The following CD96 variants were observed in gnomAD, a reference collection of about 807,000 sequenced individuals.
CD96 encodes T-cell surface protein tactile.
CD96 carries 70 observed loss-of-function variants against 71.3 expected under a neutral mutation model. The ratio of observed to expected loss-of-function variants is 0.98; its 90% CI spans 0.81 to 1.20. The LOEUF is 1.20. Ranked by LOEUF, CD96 falls within the 50% of genes most tolerant of loss-of-function variation. The pLI is 0.00. For synonymous variants in CD96, 248 were observed against 233.0 expected (o/e 1.06, Z -0.59); for missense variants, 742 against 677.5 (o/e 1.10, Z -1.06).
At chr3:111,605,916 TCA>T in intron 7 of CD96, among the ~76,000 whole-genome samples, 1 of 152,142 alleles carries the variant, frequency 6.6e-6, no homozygotes, top group East Asian at 1.9e-4. Context: ...TCTACAAAAA[TCA>T]TAAAATCTTC....
chr3:111,564,435 T>G (rs998494615), intron 2 of CD96, among the ~76,000 whole-genome samples: 1 of 152,010 alleles, frequency 6.6e-6, no homozygotes, highest in African/African-American at 2.4e-5. Context: ...TCTGGTTTCA[T>G]TCTAATTTTG....
At chr3:111,648,243 C>A (rs554193862) in intron 13 of CD96, among the ~76,000 whole-genome samples, 1 of 152,238 alleles carries the variant, frequency 6.6e-6, no homozygotes, top group African/African-American at 2.4e-5. Context: ...TAAGGTTAAG[C>A]CTCATTTTTC....
chr3:111,630,207 A>G (rs1938989052), intron 10 of CD96, among the ~76,000 whole-genome samples: 1 of 152,200 alleles, frequency 6.6e-6, no homozygotes, highest in South Asian at 2.1e-4. Flanking sequence ...CTTTCAATAA[A>G]TCAGCCAATC....
intron 3 of CD96, 34 bp downstream of exon 3, chr3:111,567,681 T>A (rs764463486): frequency 1.3e-6 from 2 of 1,587,278 alleles, no homozygotes; most frequent in Admixed American, 3.3e-5. Flanking sequence ...ATAACCTCAA[T>A]GGTCTTTAAA....
chr3:111,570,380 G>A (rs1935921842), intron 3 of CD96, among the ~76,000 whole-genome samples: 1 of 152,150 alleles, frequency 6.6e-6, no homozygotes. Flanking sequence ...GAGTCCTTGG[G>A]ATCAAAGGTT....
Position 111,584,547 on chromosome 3 carries a change from C to G in CD96, c.752-776C>G, listed in dbSNP as rs57245560. 3.4e-3 allele frequency among the ~76,000 whole-genome samples: 511 copies of G among 152,290 alleles called. 4 individuals carry two copies. Among genetic ancestry groups the G allele is most frequent in the African/African-American group, 0.012 (493 of 41,564 alleles). ...AGAAAAAGAAGTTTAATTGGACTTA[C>G]AGTTCCACATGGCTGGGGAGGCCTC... On this transcript the variant is annotated intron_variant, in intron 4 of 13. Coordinates refer to ENST00000352690, the MANE Select transcript of CD96 (RefSeq NM_005816.5).
Position 111,637,773 on chromosome 3 carries a change from G to C in CD96, c.1388-306G>C, listed in dbSNP as rs573092342. 3.5e-5 allele frequency among the ~76,000 whole-genome samples: 5 copies of C among 142,014 alleles called. No individual in the cohort carries two copies. In the East Asian group the frequency reaches 1.0e-3, roughly 30 times the overall value. 93.2% of individuals were successfully genotyped at this position (142,014 alleles called of 152,430 possible). ...GAGATTCTTTAGCAGACATCATTTTGTTGTTTGGAAGTATGGAGCTTCTTT... is the reference window on the plus strand; with the variant it reads ...GAGATTCTTTAGCAGACATCATTTTCTTGTTTGGAAGTATGGAGCTTCTTT... On this transcript the variant is annotated intron_variant, in intron 11 of 13. Transcript: ENST00000352690.
At chr3:111,550,342 A>T (rs925172996) in intron 2 of CD96, among the ~76,000 whole-genome samples, 1 of 152,110 alleles carries the variant, frequency 6.6e-6, no homozygotes, top group Non-Finnish European at 1.5e-5. Flanking sequence ...CTTTCAAGAA[A>T]TCTGCCAGTA....
In CD96 at chr3:111,598,179, A is replaced by T. The variant is rs963123060; in HGVS notation, c.867A>T (p.Ile289=). 6.8e-7 allele frequency: 1 copy of T among 1,471,554 alleles called. No homozygotes were observed. The highest frequency in any genetic ancestry group is 9.5e-7 in the Non-Finnish European group (1 of 1,050,588). 91.2% of individuals were successfully genotyped at this position (1,471,554 alleles called of 1,614,324 possible). A position where few individuals can be genotyped will look rare whatever the true frequency, so the allele number is the denominator to read the frequency against. Residue 289 remains isoleucine (I), a synonymous_variant, in exon 6 of 14, where the codon ATA becomes ATT. Coordinates refer to ENST00000352690, the MANE Select transcript of CD96 (RefSeq NM_005816.5). Reference sequence around the variant, plus strand: ...CCAAAGCAAATATCACATGGTTTATAGATGGAAGTTTTCTTCATGATGAAA... The same window carrying T: ...CCAAAGCAAATATCACATGGTTTATTGATGGAAGTTTTCTTCATGATGAAA... ...VFPKANITWF[I]DGSFLHDEKE...
chr3:111,553,759 G>A (rs185345993), intron 2 of CD96, among the ~76,000 whole-genome samples: 10 of 151,882 alleles, frequency 6.6e-5, no homozygotes, highest in Admixed American at 2.6e-4. Context: ...AAAGTGACCC[G>A]TAAGTATTTT....
At chr3:111,608,734 G>A (rs1937755611) in intron 8 of CD96, among the ~76,000 whole-genome samples, 1 of 152,188 alleles carries the variant, frequency 6.6e-6, no homozygotes, top group South Asian at 2.1e-4. Flanking sequence ...AGAGTAGAGA[G>A]TCAAAAACTA....
downstream of CD96, among the ~76,000 whole-genome samples, chr3:111,665,906 C>A (rs1474180452): frequency 6.6e-6 from 1 of 152,204 alleles, no homozygotes; most frequent in Non-Finnish European, 1.5e-5. Flanking sequence ...TCTACAGAAC[C>A]TCCTCCTACA....
chr3:111,614,164 T>G (rs1938102849), intron 8 of CD96, among the ~76,000 whole-genome samples: 1 of 152,210 alleles, frequency 6.6e-6, no homozygotes, highest in Admixed American at 6.5e-5. Flanking sequence ...AGTCCAGAAC[T>G]TCTTTCCTCT....
chr3:111,573,650 G>C (rs1039655596), intron 3 of CD96, among the ~76,000 whole-genome samples: 2 of 152,142 alleles, frequency 1.3e-5, no homozygotes, highest in Non-Finnish European at 2.9e-5. Flanking sequence ...TGAAGAGAAG[G>C]ACAAGAATAT....
chr3:111,582,176 C>A (rs1480053261), intron 4 of CD96, among the ~76,000 whole-genome samples: 1 of 152,218 alleles, frequency 6.6e-6, no homozygotes, highest in East Asian at 1.9e-4. Context: ...AAAGAGTCAT[C>A]TAGTCATCAA....
At chr3:111,577,988 G>A (rs1400676712) in intron 3 of CD96, among the ~76,000 whole-genome samples, 1 of 152,174 alleles carries the variant, frequency 6.6e-6, no homozygotes, top group Non-Finnish European at 1.5e-5. Flanking sequence ...GATCTCCTGA[G>A]TACCTTAAAA....
chr3:111,598,740 A>C lies in CD96; in HGVS notation c.898+530A>C, dbSNP rs1159694207. Among the ~76,000 whole-genome samples the C allele has an allele frequency of 2.6e-5, 4 of 152,218 alleles. No individual in the cohort carries two copies. In the East Asian group the frequency reaches 7.7e-4, roughly 29 times the overall value. ...GACAAGGTACATGTTCCCCAGGAGG[A>C]TTAAAAGTTCCTGGAGGAGGAACAC... On this transcript the variant is annotated intron_variant, in intron 6 of 13. Coordinates refer to ENST00000352690, the MANE Select transcript of CD96 (RefSeq NM_005816.5).
chr3:111,630,144 C>A (rs922429844), intron 10 of CD96, among the ~76,000 whole-genome samples: 4 of 151,870 alleles, frequency 2.6e-5, no homozygotes, highest in African/African-American at 7.3e-5. Flanking sequence ...TAGCAGAAGA[C>A]AAGAAATAAC....
chr3:111,602,135 A>T (rs1005309266), intron 7 of CD96, among the ~76,000 whole-genome samples: 1 of 152,188 alleles, frequency 6.6e-6, no homozygotes, highest in African/African-American at 2.4e-5. Flanking sequence ...GCAGTCTTGG[A>T]ACAATGTGGA....
Sources: allele counts gnomAD v4.1 joint callset (sites outside exome capture counted in the v4.1 genomes callset), GRCh38; gene constraint gnomAD v4.1.1; transcripts MANE v1.5; gene names NCBI Gene and HGNC (gene_info 2026-07-23, HGNC 2026-07-21).